The following ANO4 variants were observed in gnomAD, a reference collection of about 807,000 sequenced individuals.
The protein encoded by ANO4 is anoctamin-4.
Under a neutral mutation model 141.9 loss-of-function variants are expected in ANO4, and 69 were observed. The ratio of observed to expected loss-of-function variants is 0.49; its 90% CI spans 0.40 to 0.59. The LOEUF is 0.59. Among genes scored for constraint, ANO4 ranks in the 20% least tolerant of loss-of-function variants. The pLI, the probability that ANO4 is intolerant of heterozygous loss-of-function variation, is 0.00. For missense variants in ANO4, 894 were observed against 1,162.2 expected (o/e 0.77, Z 3.36); for synonymous variants, 350 against 394.3 (o/e 0.89, Z 1.33).
chr12:100,720,101 G>A (rs1201643351), intron 1 of ANO4, among the ~76,000 whole-genome samples: 1 of 152,102 alleles, frequency 6.6e-6, no homozygotes, highest in African/African-American at 2.4e-5. Context: ...TGAGACTAAG[G>A]ATGGGAGACA....
chr12:100,797,771 C>T (rs1203145062), intron 1 of ANO4, among the ~76,000 whole-genome samples: 2 of 152,004 alleles, frequency 1.3e-5, no homozygotes, highest in African/African-American at 4.8e-5. Flanking sequence ...CTTTTAAAGT[C>T]CTCTTGCCTT....
chr12:100,845,610 G>C (rs528588637), intron 1 of ANO4, among the ~76,000 whole-genome samples: 71 of 152,196 alleles, frequency 4.7e-4, no homozygotes, highest in African/African-American at 1.7e-3. Context: ...ACATATGTCT[G>C]TATCTATGTG....
chr12:101,015,929 T>C lies in ANO4; in HGVS notation c.735-4105T>C, dbSNP rs761750967. On this transcript the variant is annotated intron_variant, in intron 8 of 27. Coordinates refer to ENST00000392977, the MANE Select transcript of ANO4 (RefSeq NM_001286615.2). ...GTGGCTAACTGTGAGAACCATGATA[T>C]GGGGAATCATCACTGTTCCTTCTCA... is the stretch of plus-strand genomic sequence containing the variant. Among the ~76,000 whole-genome samples the C allele has an allele frequency of 2.6e-4, 39 of 152,248 alleles. No homozygotes were observed. In the South Asian group the frequency reaches 5.2e-3, roughly 20 times the overall value.
intron 3 of ANO4, among the ~76,000 whole-genome samples, chr12:100,752,605 T>G (rs2135502032): frequency 6.6e-6 from 1 of 152,160 alleles, no homozygotes; most frequent in East Asian, 1.9e-4. Flanking sequence ...CAATCTTTTT[T>G]TAATGTGTGT....
At chr12:100,785,773 T>C (rs1199218432) in intron 3 of ANO4, among the ~76,000 whole-genome samples, 1 of 152,210 alleles carries the variant, frequency 6.6e-6, no homozygotes, top group Non-Finnish European at 1.5e-5. Context: ...AGGAGTATGA[T>C]TGCTGGATCG....
chr12:100,768,182 G>A (rs1190425008), intron 3 of ANO4, among the ~76,000 whole-genome samples: 3 of 152,202 alleles, frequency 2.0e-5, no homozygotes, highest in Non-Finnish European at 4.4e-5. Flanking sequence ...GGGGCCATAG[G>A]GGCTGGCCTG....
At chr12:101,104,591 ATATG>A (rs1483612889) in intron 22 of ANO4, among the ~76,000 whole-genome samples, 3 of 114,422 alleles carry the variant, frequency 2.6e-5, no homozygotes, top group African/African-American at 3.8e-5. Context: ...GATAATATAT[ATATG>A]TGTGTGTGTG....
intron 1 of ANO4, among the ~76,000 whole-genome samples, chr12:100,888,485 T>C (rs1361574716): frequency 6.6e-6 from 1 of 152,226 alleles, no homozygotes. Flanking sequence ...GGCTACCCAA[T>C]AGGAGTAGAC....
intron 9 of ANO4, among the ~76,000 whole-genome samples, chr12:101,036,517 T>C (rs2047203838): frequency 6.6e-6 from 1 of 152,058 alleles, no homozygotes; most frequent in Admixed American, 6.6e-5. Flanking sequence ...TGTTCAACCA[T>C]AAAAAAGAAG....
upstream of ANO4, among the ~76,000 whole-genome samples, chr12:100,793,543 A>G (rs2034132234): frequency 6.6e-6 from 1 of 152,110 alleles, no homozygotes; most frequent in African/African-American, 2.4e-5. Context: ...AACTAAAATT[A>G]AAAACTCTAC....
intron 9 of ANO4, among the ~76,000 whole-genome samples, chr12:101,029,582 C>T (rs2046883607): frequency 1.3e-5 from 2 of 152,010 alleles, no homozygotes; most frequent in Admixed American, 1.3e-4. Context: ...AAGACAAGGT[C>T]ATTAAATAAT....
intron 8 of ANO4, among the ~76,000 whole-genome samples, chr12:101,005,938 T>G (rs1249274198): frequency 6.6e-6 from 1 of 152,122 alleles, no homozygotes. Flanking sequence ...CTCCTCTTCT[T>G]CCAGAATTAT....
At chr12:101,099,788 A>G in intron 22 of ANO4, 68 bp downstream of exon 22, 2 of 1,331,448 alleles carry the variant, frequency 1.5e-6, no homozygotes, top group East Asian at 2.7e-5. Flanking sequence ...TCAACTAAAC[A>G]TATACCCGTT....
chr12:100,821,486 C>T lies in ANO4; in HGVS notation c.-141+26459C>T, dbSNP rs956631264. Among the ~76,000 whole-genome samples the T allele has an allele frequency of 1.4e-4, 22 of 151,726 alleles. 1 individual carries two copies. The East Asian group carries it at 1.6e-3, about 11-fold the overall frequency. ...TGACTCAGTTCATTTTTCTGCTATC[C>T]CAATACCAGCCTTGGAGAATATGCT... On this transcript the variant is annotated intron_variant, in intron 1 of 27. Transcript: ENST00000392977.
At chr12:101,017,716 C>T (rs988100723) in intron 8 of ANO4, among the ~76,000 whole-genome samples, 3 of 152,110 alleles carry the variant, frequency 2.0e-5, no homozygotes, top group African/African-American at 7.2e-5. Context: ...AGCTCAGTGA[C>T]GTTGGGTGCA....
At chr12:100,728,726 A>T (rs1593235076) in intron 1 of ANO4, among the ~76,000 whole-genome samples, 1 of 152,132 alleles carries the variant, frequency 6.6e-6, no homozygotes. Context: ...GTCTAATTCC[A>T]CCACCTTTTC....
chr12:101,066,043 A>C (rs114568593), intron 14 of ANO4, among the ~76,000 whole-genome samples: 1,625 of 152,326 alleles, frequency 0.011, 29 homozygotes, highest in African/African-American at 0.037. Flanking sequence ...ACAAAGAAAG[A>C]ATTTGATAAA....
intron 1 of ANO4, among the ~76,000 whole-genome samples, chr12:100,849,478 T>C (rs1199352892): frequency 6.6e-6 from 1 of 152,186 alleles, no homozygotes; most frequent in African/African-American, 2.4e-5. Flanking sequence ...ACAAGACGAA[T>C]GGTAACATAG....
chr12:100,944,695 C>T lies in ANO4; in HGVS notation c.456+2160C>T, dbSNP rs570227427. On this transcript the variant is annotated intron_variant, in intron 5 of 27. Transcript: ENST00000392977. ...ATTTCTCTCTAATGCAGCCTCCCAG[C>T]TCTGCTTTGCATCTTCGTGGACTCA... Among the ~76,000 whole-genome samples, 44 of 152,306 alleles carry T rather than the reference C, an allele frequency of 2.9e-4. No homozygotes were observed. In the South Asian group the frequency reaches 5.2e-3, roughly 18 times the overall value.
Sources: gnomAD v4.1 joint callset for allele counts (sites outside exome capture counted in the v4.1 genomes callset) on GRCh38, gnomAD v4.1.1 for gene constraint, MANE v1.5 for transcripts, NCBI Gene and HGNC (gene_info 2026-07-23, HGNC 2026-07-21) for gene names.